The following PHF24 variants were observed in gnomAD, a reference collection of about 807,000 sequenced individuals.
PHF24 encodes PHD finger protein 24.
In PHF24, 25 loss-of-function variants were observed where a neutral mutation model predicts 42.6. The ratio of observed to expected loss-of-function variants is 0.59; its 90% CI spans 0.43 to 0.82. PHF24 has a LOEUF of 0.82. PHF24 is among the 40% of genes least tolerant of loss of function. The pLI is 0.00. For synonymous variants in PHF24, 185 were observed against 204.8 expected, an observed-to-expected ratio of 0.90 and a Z score of 0.83; for missense variants, 470 against 538.1, an observed-to-expected ratio of 0.87 and a Z score of 1.25.
the PHF24 span, chr9:34,724,697 C>T: frequency 6.5e-7 from 1 of 1,548,978 alleles, no homozygotes; most frequent in Non-Finnish European, 8.7e-7. Flanking sequence ...GTCTGTACAA[C>T]TCTCATTGTT....
the PHF24 span, among the ~76,000 whole-genome samples, chr9:34,818,366 C>G: frequency 2.6e-5 from 4 of 152,048 alleles, no homozygotes; most frequent in African/African-American, 9.7e-5. Context: ...TCCTGGTTTT[C>G]TGAGTGTTTT....
the PHF24 span, among the ~76,000 whole-genome samples, chr9:34,694,301 C>T: frequency 6.6e-6 from 1 of 150,478 alleles, no homozygotes; most frequent in Non-Finnish European, 1.5e-5. Context: ...ACCCGAGTAG[C>T]TGGGATTAGA....
At chr9:34,766,901 G>A in the PHF24 span, among the ~76,000 whole-genome samples, 21 of 152,118 alleles carry the variant, frequency 1.4e-4, no homozygotes, top group African/African-American at 3.4e-4. Context: ...CTTTCTGTTC[G>A]TTAGTTTTCC....
chr9:34,767,483 TCC>T, the PHF24 span, among the ~76,000 whole-genome samples: 320 of 152,326 alleles, frequency 2.1e-3, 3 homozygotes, highest in African/African-American at 6.7e-3. Flanking sequence ...TCAGCGAGAC[TCC>T]GTGCGCGTAG....
At chr9:34,746,522 C>A in the PHF24 span, among the ~76,000 whole-genome samples, 1 of 152,100 alleles carries the variant, frequency 6.6e-6, no homozygotes, top group Non-Finnish European at 1.5e-5. Context: ...GCAATCACTG[C>A]AATTCACATT....
the PHF24 span, among the ~76,000 whole-genome samples, chr9:34,883,800 A>T: frequency 6.6e-6 from 1 of 152,264 alleles, no homozygotes; most frequent in Non-Finnish European, 1.5e-5. Context: ...TGTGGAAGAC[A>T]GTGTGGCGAT....
At chr9:34,674,626 A>G in the PHF24 span, among the ~76,000 whole-genome samples, 4 of 152,262 alleles carry the variant, frequency 2.6e-5, no homozygotes, top group South Asian at 6.2e-4. Flanking sequence ...TAGTTTGCCA[A>G]TCCTAGTCTG....
the PHF24 span, among the ~76,000 whole-genome samples, chr9:34,715,022 G>A: frequency 6.6e-6 from 1 of 152,104 alleles, no homozygotes; most frequent in Non-Finnish European, 1.5e-5. Flanking sequence ...TGCAGTGGTA[G>A]AGCAGTCTCA....
chr9:34,831,519 A>C, the PHF24 span, among the ~76,000 whole-genome samples: 1 of 152,042 alleles, frequency 6.6e-6, no homozygotes, highest in South Asian at 2.1e-4. Flanking sequence ...CCTGCCCTTC[A>C]TCACACTAAG....
the PHF24 span, chr9:34,836,945 C>A: frequency 2.8e-6 from 1 of 352,792 alleles, no homozygotes; most frequent in Non-Finnish European, 5.8e-6. Context: ...AGTGAACCAG[C>A]CTCCACTGTG....
the PHF24 span, among the ~76,000 whole-genome samples, chr9:34,763,237 A>T: frequency 1.3e-5 from 2 of 152,202 alleles, no homozygotes; most frequent in Non-Finnish European, 2.9e-5. Flanking sequence ...CTGTGAAGAA[A>T]GTCATTGGTA....
At chr9:34,751,616 C>G in the PHF24 span, among the ~76,000 whole-genome samples, 1 of 152,090 alleles carries the variant, frequency 6.6e-6, no homozygotes, top group Non-Finnish European at 1.5e-5. Context: ...GACTTTAACA[C>G]CCCACTTTCA....
the PHF24 span, chr9:34,922,983 G>T: frequency 9.7e-7 from 1 of 1,030,144 alleles, no homozygotes; most frequent in East Asian, 2.6e-5. Context: ...AGTCTACCTG[G>T]GGGGTGCTGC....
the PHF24 span, chr9:34,835,806 C>T: frequency 1.3e-6 from 2 of 1,515,642 alleles, no homozygotes; most frequent in Non-Finnish European, 1.8e-6. Context: ...TTATAGATGC[C>T]AGTGAAAGCT....
chr9:34,783,468 A>G, the PHF24 span, among the ~76,000 whole-genome samples: 8 of 152,128 alleles, frequency 5.3e-5, no homozygotes, highest in Non-Finnish European at 1.5e-5. Context: ...TTTTTCACCA[A>G]TCCTAATATT....
chr9:34,829,271 G>T, the PHF24 span, among the ~76,000 whole-genome samples: 13 of 152,272 alleles, frequency 8.5e-5, no homozygotes, highest in East Asian at 2.5e-3. Flanking sequence ...AGCAGATTTG[G>T]TATGTGTAAA....
the PHF24 span, among the ~76,000 whole-genome samples, chr9:34,870,351 G>A: frequency 5.3e-5 from 8 of 151,684 alleles, no homozygotes; most frequent in Non-Finnish European, 1.0e-4. Flanking sequence ...AGTGTGAATC[G>A]ACCCTTGTTA....
chr9:34,886,742 A>ATCTGTCTGTCTGTCTGTCTGTCTG, the PHF24 span, among the ~76,000 whole-genome samples: 1 of 107,758 alleles, frequency 9.3e-6, no homozygotes, highest in African/African-American at 3.6e-5. Context: ...TTTTATATCT[A>ATCTGTCTGTCTGTCTGTCTGTCTG]TCTATCTATC....
the PHF24 span, among the ~76,000 whole-genome samples, chr9:34,811,818 C>T: frequency 6.6e-6 from 1 of 152,022 alleles, no homozygotes; most frequent in Admixed American, 6.6e-5. Context: ...CTTAAAAATT[C>T]TATGCATAAA....
Sources: gnomAD v4.1 joint callset for allele counts (sites outside exome capture counted in the v4.1 genomes callset) on GRCh38, gnomAD v4.1.1 for gene constraint, MANE v1.5 for transcripts, NCBI Gene and HGNC (gene_info 2026-07-23, HGNC 2026-07-21) for gene names.